SPATA6L: variants seen among roughly 807,000 people sequenced by gnomAD.
SPATA6L encodes spermatogenesis associated 6 like.
A neutral mutation model predicts 49.2 loss-of-function variants in SPATA6L; 68 were observed. The observed-to-expected ratio is 1.38, with a 90% CI of 1.14 to 1.69. The LOEUF is 1.69. Ranked by LOEUF, SPATA6L falls within the 40% of genes most tolerant of loss-of-function variation. The probability of loss-of-function intolerance (pLI) is 0.00; values close to 1 mark genes in which losing one functional copy is unlikely to be tolerated. For missense variants in SPATA6L, 668 were observed against 464.3 expected (o/e 1.44, Z -4.03); for synonymous variants, 198 against 165.7 (o/e 1.19, Z -1.50).
In SPATA6L at chr9:4,662,364, C is replaced by T. The variant is rs766410645; in HGVS notation, c.40-328G>A. 3.3e-6 allele frequency: 5 copies of T among 1,495,296 alleles called. No homozygotes were observed. The highest frequency in any genetic ancestry group is 2.8e-5 in the African/African-American group (2 of 71,374). The allele number at this position is 1,495,296 out of a possible 1,614,324, so 92.6% of individuals were successfully genotyped here. On this transcript the variant is annotated intron_variant, in intron 1 of 11. Coordinates refer to ENST00000682582, the MANE Select transcript of SPATA6L (RefSeq NM_001353486.2). This position sits in a 1 kb window ranked among gnomAD's most constrained non-coding sequence, Gnocchi z 4.9. ...GTCCGGCCAGGTCCCGGGATCCGGGCCGCCAGCTGCGATGCCAAGTCCCCG... is the reference window on the plus strand; with the variant it reads ...GTCCGGCCAGGTCCCGGGATCCGGGTCGCCAGCTGCGATGCCAAGTCCCCG...
intron 2 of SPATA6L, 40 bp from the exon 3 acceptor site, chr9:4,656,129 A>G: frequency 1.9e-6 from 3 of 1,561,052 alleles, no homozygotes; most frequent in Non-Finnish European, 2.6e-6. Context: ...TCAAAGTTGT[A>G]TTAATAAGCG....
chr9:4,622,120 T>A (rs962008191), intron 7 of SPATA6L, among the ~76,000 whole-genome samples: 3 of 152,194 alleles, frequency 2.0e-5, no homozygotes, highest in Non-Finnish European at 4.4e-5. Flanking sequence ...GCAGGACAAG[T>A]TGCACTCTGC....
chr9:4,622,476 G>A lies in SPATA6L; in HGVS notation c.704C>T (p.Ser235Leu). The change falls in exon 7 of 12, where the codon TCA becomes TTA. Residue 235 changes from serine (S) to leucine (L), a missense_variant. Coordinates refer to ENST00000682582, the MANE Select transcript of SPATA6L (RefSeq NM_001353486.2). ...DSAKPFGENISEHHLRRSRRK... is the reference protein window; with the variant it reads ...DSAKPFGENILEHHLRRSRRK... ...TCTAGACCTCCTCAAATGATGCTCT[G>A]AAATATTCTCACCAAAGGGCTTTGC... 6.2e-7 allele frequency: 1 copy of A among 1,613,626 alleles called. No homozygotes were observed. The highest frequency in any genetic ancestry group is 8.5e-7 in the Non-Finnish European group (1 of 1,179,844).
At chr9:4,648,314 G>A (rs1314208961) in intron 3 of SPATA6L, among the ~76,000 whole-genome samples, 1 of 152,108 alleles carries the variant, frequency 6.6e-6, no homozygotes, top group East Asian at 1.9e-4. Flanking sequence ...CACCCCAATA[G>A]TAATTTAAGC....
chr9:4,642,136 A>T (rs1298873514), intron 3 of SPATA6L, among the ~76,000 whole-genome samples: 1 of 152,158 alleles, frequency 6.6e-6, no homozygotes, highest in Non-Finnish European at 1.5e-5. Context: ...TTTCTTTTAC[A>T]TACTTTCGTG....
chr9:4,625,825 T>C, intron 5 of SPATA6L: 1 of 258,044 alleles, frequency 3.9e-6, no homozygotes, highest in Admixed American at 5.1e-5. Context: ...AGGGGGAAGT[T>C]AGAAAGTGTC....
At chr9:4,633,380 A>G (rs1832049799) in intron 4 of SPATA6L, 1 of 153,754 alleles carries the variant, frequency 6.5e-6, no homozygotes, top group Non-Finnish European at 1.5e-5. Context: ...TTAAAAAAGG[A>G]GAGAAGGATA....
intron 9 of SPATA6L, among the ~76,000 whole-genome samples, chr9:4,611,578 C>A (rs898544444): frequency 7.1e-6 from 1 of 140,938 alleles, no homozygotes; most frequent in South Asian, 2.2e-4. Flanking sequence ...TATTCTCACT[C>A]ATAGGTGGGA....
At chr9:4,594,124 C>A (rs570050126), downstream of SPATA6L, among the ~76,000 whole-genome samples, 1 of 152,218 alleles carries the variant, frequency 6.6e-6, no homozygotes, top group Non-Finnish European at 1.5e-5. Context: ...GGCTTTTCCA[C>A]CATCTTTTTA....
intron 9 of SPATA6L, among the ~76,000 whole-genome samples, chr9:4,607,020 A>C (rs200787370): frequency 2.8e-4 from 41 of 145,980 alleles, no homozygotes; most frequent in African/African-American, 7.2e-4. Flanking sequence ...GAGCCGATGC[A>C]ATCAACTGGA....
intron 3 of SPATA6L, among the ~76,000 whole-genome samples, chr9:4,637,140 C>G (rs1564246138): frequency 6.6e-6 from 1 of 152,142 alleles, no homozygotes; most frequent in African/African-American, 2.4e-5. Flanking sequence ...TTTATTGCCA[C>G]TCTCCCCCTT....
intron 3 of SPATA6L, among the ~76,000 whole-genome samples, chr9:4,644,044 G>A (rs1834670809): frequency 6.6e-6 from 1 of 151,750 alleles, no homozygotes; most frequent in African/African-American, 2.4e-5. Context: ...GTAGATTTAT[G>A]CATTTAGAAA....
downstream of SPATA6L, among the ~76,000 whole-genome samples, chr9:4,597,409 C>T (rs944488824): frequency 6.6e-6 from 1 of 151,574 alleles, no homozygotes; most frequent in Non-Finnish European, 1.5e-5. Flanking sequence ...GCTAATGGAT[C>T]ACTCTAAAAG....
intron 2 of SPATA6L, among the ~76,000 whole-genome samples, chr9:4,659,989 G>A (rs1839228303): frequency 6.6e-6 from 1 of 152,234 alleles, no homozygotes; most frequent in Non-Finnish European, 1.5e-5. Flanking sequence ...GTAGAAAGCT[G>A]AAACTGGATC....
At chr9:4,656,217 T>C (rs967297897) in intron 2 of SPATA6L, 128 bp from the exon 3 acceptor site, 2 of 674,470 alleles carry the variant, frequency 3.0e-6, no homozygotes, top group Non-Finnish European at 5.0e-6. Flanking sequence ...GGTGGGTGTA[T>C]TGCTTAAGCT....
At chr9:4,620,364 G>A (rs941153174) in intron 7 of SPATA6L, among the ~76,000 whole-genome samples, 5 of 152,102 alleles carry the variant, frequency 3.3e-5, no homozygotes, top group Non-Finnish European at 5.9e-5. Context: ...TTTCACACGG[G>A]GGCCTGCCAT....
chr9:4,663,196 T>C (rs199526085), intron 1 of SPATA6L: 8 of 1,614,164 alleles, frequency 5.0e-6, no homozygotes, highest in Non-Finnish European at 6.8e-6. Flanking sequence ...CAGTACAGCA[T>C]CGTGGACTAT....
chr9:4,621,119 G>C (rs1050042320), intron 7 of SPATA6L, among the ~76,000 whole-genome samples: 4 of 152,176 alleles, frequency 2.6e-5, no homozygotes, highest in Non-Finnish European at 5.9e-5. Context: ...CAGATAGAAA[G>C]TCCAGTACTA....
intron 6 of SPATA6L, 136 bp downstream of exon 6, chr9:4,625,191 C>T: frequency 7.2e-7 from 1 of 1,387,514 alleles, no homozygotes; most frequent in Non-Finnish European, 9.4e-7. Flanking sequence ...ATAATTTAAT[C>T]ACAATTATTA....
Sources: allele counts gnomAD v4.1 joint callset (sites outside exome capture counted in the v4.1 genomes callset), GRCh38; gene constraint gnomAD v4.1.1; non-coding constraint Gnocchi (gnomAD v3.1); transcripts MANE v1.5; gene names NCBI Gene and HGNC (gene_info 2026-07-23, HGNC 2026-07-21).